The following TET3 variants were observed in gnomAD, a reference collection of about 807,000 sequenced individuals.
TET3 encodes methylcytosine dioxygenase TET3.
A neutral mutation model predicts 141.4 loss-of-function variants in TET3; 19 were observed. That is an observed-to-expected ratio of 0.13 (90% confidence interval 0.09 to 0.20). TET3 has a LOEUF of 0.20. TET3 is among the 10% of genes least tolerant of loss of function. TET3 has a pLI of 1.00. For missense variants in TET3, 1,874 were observed against 2,356.9 expected (o/e 0.80, Z 4.24); for synonymous variants, 1,043 against 980.9 (o/e 1.06, Z -1.18).
the TET3 span, among the ~76,000 whole-genome samples, chr2:74,116,562 G>A: frequency 1.3e-5 from 2 of 151,828 alleles, no homozygotes; most frequent in Admixed American, 1.3e-4. Context: ...GTGTGTGCCT[G>A]TAGTCCCAGC....
At chr2:74,022,623 T>A (rs934454897) in intron 3 of TET3, among the ~76,000 whole-genome samples, 1 of 152,102 alleles carries the variant, frequency 6.6e-6, no homozygotes, top group South Asian at 2.1e-4. Context: ...GGCACTGCTT[T>A]TGCAAATTAA....
At chr2:74,066,457 A>G (rs1195232459) in intron 4 of TET3, among the ~76,000 whole-genome samples, 2 of 152,258 alleles carry the variant, frequency 1.3e-5, no homozygotes, top group African/African-American at 4.8e-5. Context: ...ATATCTTCAT[A>G]TAACATATAT....
Position 74,047,926 on chromosome 2 carries a change from G to C in TET3, c.2009G>C (p.Ser670Thr). The change falls in exon 4 of 12, where the codon AGT (serine) becomes ACT (threonine). Residue 670 changes from serine to threonine, a missense_variant. Ser to Thr is a moderately conservative substitution (Grantham distance 58). This residue lies in a region of TET3 where 484 missense variants were observed against 462.2 expected (regional missense o/e 1.05). Transcript: ENST00000409262. ...CCTTCTCTTGCGCTATTTGCACCTA[G>C]TCCCTCCAGGGACAGCCTGCTGCCC... ...PEPSLALFAP[S>T]PSRDSLLPPT... 6.2e-7 allele frequency: 1 copy of C among 1,613,594 alleles called. No homozygotes were observed. The highest frequency in any genetic ancestry group is 8.5e-7 in the Non-Finnish European group (1 of 1,179,812).
chr2:74,033,950 G>A (rs962519019), intron 3 of TET3, among the ~76,000 whole-genome samples: 1 of 152,072 alleles, frequency 6.6e-6, no homozygotes, highest in Admixed American at 6.5e-5. Context: ...ACAAAAATTA[G>A]CCAGGGATAG....
At chr2:74,010,762 A>G (rs1685386608) in intron 3 of TET3, among the ~76,000 whole-genome samples, 1 of 152,200 alleles carries the variant, frequency 6.6e-6, no homozygotes, top group African/African-American at 2.4e-5. Context: ...TCATTCACTG[A>G]TAATTTTATT....
intron 10 of TET3, among the ~76,000 whole-genome samples, chr2:74,098,389 G>GA (rs1558792461): frequency 3.3e-5 from 5 of 151,982 alleles, no homozygotes; most frequent in African/African-American, 4.8e-5. Context: ...ACTATGTTAA[G>GA]AAAAAAATGA....
chr2:74,011,227 C>CAA (rs34155044), intron 3 of TET3, among the ~76,000 whole-genome samples: 33,813 of 94,148 alleles, frequency 0.36, 5,402 homozygotes, highest in African/African-American at 0.4. Flanking sequence ...GACTCCGTTT[C>CAA]AAAAAAAAAA....
downstream of TET3, among the ~76,000 whole-genome samples, chr2:74,108,918 A>G (rs765263495): frequency 2.6e-5 from 4 of 152,186 alleles, no homozygotes; most frequent in Non-Finnish European, 5.9e-5. Flanking sequence ...TGAAAATACC[A>G]TGATCATAAT....
chr2:74,134,424 G>A, the TET3 span: 44 of 307,306 alleles, frequency 1.4e-4, no homozygotes, highest in Non-Finnish European at 2.6e-4. Flanking sequence ...GGGGCACAAT[G>A]TATGAACAGA....
chr2:74,122,511 A>ATAT, the TET3 span: 411 of 47,590 alleles, frequency 8.6e-3, 6 homozygotes, highest in Non-Finnish European at 0.012. Flanking sequence ...ATATATATAT[A>ATAT]TTTTTTTTTT....
At chr2:74,123,867 C>G in the TET3 span, among the ~76,000 whole-genome samples, 1 of 149,262 alleles carries the variant, frequency 6.7e-6, no homozygotes, top group African/African-American at 2.6e-5. Flanking sequence ...GCCTCTGCCC[C>G]GCCGCCCCGT....
At chr2:73,995,168 C>A (rs1471783398) in intron 2 of TET3, among the ~76,000 whole-genome samples, 1 of 152,176 alleles carries the variant, frequency 6.6e-6, no homozygotes, top group South Asian at 2.1e-4. Flanking sequence ...CCATGTTGGC[C>A]AGTCTGATCT....
intron 3 of TET3, among the ~76,000 whole-genome samples, chr2:74,032,508 T>TGTGTGTGTGTGTGTG (rs1491152838): frequency 2.3e-5 from 1 of 43,906 alleles, no homozygotes; most frequent in African/African-American, 1.8e-4. Context: ...TGTGTGTGTG[T>TGTGTGTGTGTGTGTG]TAGGGGAGTT....
Position 74,046,382 on chromosome 2 carries a change from G to A in TET3, c.465G>A (p.Pro155=), listed in dbSNP as rs1369711202. The stretch of plus-strand genomic sequence containing the variant: ...GGCAGCTAAGCGCCTCAGGGGTGCC[G>A]GTCAATGGTGCTAGAGAGCCCGCTG... ...DSRQLSASGV[P]VNGAREPAGP... is the part of the protein sequence containing the mutation. The change falls in exon 4 of 12, where the codon CCG becomes CCA. Residue 155 remains proline (P), a synonymous_variant. Transcript: ENST00000409262. This position sits in a 1 kb window ranked among gnomAD's most constrained non-coding sequence, Gnocchi z 4.3. 9 of 1,543,812 alleles carry A rather than the reference G, an allele frequency of 5.8e-6. No homozygotes were observed. In the Admixed American group the frequency reaches 6.2e-5, roughly 11 times the overall value.
chr2:74,014,210 G>T lies in TET3; in HGVS notation c.360+11044G>T, dbSNP rs558977786. Among the ~76,000 whole-genome samples, 424 of 152,074 alleles carry T rather than the reference G, an allele frequency of 2.8e-3. 2 individuals are homozygous for T. Among genetic ancestry groups the T allele is most frequent in the African/African-American group, 9.7e-3 (403 of 41,476 alleles). On this transcript the variant is annotated intron_variant, in intron 3 of 11. Transcript: ENST00000409262. The stretch of plus-strand genomic sequence containing the variant: ...GTCCTTTTTTCTGGATTCTCAGTTG[G>T]ATCCTTAGCACATTTTTTCTATTTT...
chr2:74,115,261 A>G, the TET3 span, among the ~76,000 whole-genome samples: 4 of 152,222 alleles, frequency 2.6e-5, no homozygotes, highest in Admixed American at 2.6e-4. Context: ...CTCAACAGCA[A>G]AAAAACGAAA....
Position 74,105,208 on chromosome 2 carries a change from G to A in TET3, c.*3032G>A. The A allele has an allele frequency of 2.5e-6, 1 of 398,572 alleles. No homozygotes were observed. The allele number at this position is 398,572 out of a possible 1,614,324, so 24.7% of individuals were successfully genotyped here. ...ACCTAACAGCATGACCAAGTTCGAA[G>A]AGTCATATTATAGCAACGGAAATCG... On this transcript the variant is annotated 3_prime_UTR_variant, in exon 12 of 12. Transcript: ENST00000409262.
chr2:74,014,637 G>A (rs1235738986), intron 3 of TET3, among the ~76,000 whole-genome samples: 3 of 152,100 alleles, frequency 2.0e-5, no homozygotes, highest in Non-Finnish European at 4.4e-5. Flanking sequence ...AGGCCGAAAT[G>A]GAAGTTTTGG....
Position 73,986,491 on chromosome 2 carries a change from T to C in TET3, c.88T>C (p.Phe30Leu). Residue 30 changes from phenylalanine to leucine, a missense_variant, in exon 2 of 12, where the codon TTC (phenylalanine) becomes CTC (leucine). By Grantham distance (22) the Phe-to-Leu change is conservative. This residue lies in a region of TET3 where 366 missense variants were observed against 487.0 expected (regional missense o/e 0.75). Coordinates refer to ENST00000409262, the MANE Select transcript of TET3 (RefSeq NM_001287491.2). ...TCAGCGCCAGGTGATGGTAGGGAGC[T>C]TCCCGGGGTCTGGGCTCTCCATGGC... ...FPQRQVMVGS[F>L]PGSGLSMAGS... is the part of the protein sequence containing the mutation. 8.1e-7 allele frequency: 1 copy of C among 1,232,188 alleles called. No homozygotes were observed. Among genetic ancestry groups the C allele is most frequent in the Non-Finnish European group, 1.0e-6 (1 of 988,040 alleles). The allele number at this position is 1,232,188 out of a possible 1,614,324, so 76.3% of individuals were successfully genotyped here.
Sources: allele counts gnomAD v4.1 joint callset (sites outside exome capture counted in the v4.1 genomes callset), GRCh38; gene constraint gnomAD v4.1.1; regional missense constraint gnomAD v4.1.1; non-coding constraint Gnocchi (gnomAD v3.1); transcripts MANE v1.5; gene names NCBI Gene and HGNC (gene_info 2026-07-23, HGNC 2026-07-21).